Variants in ZBTB7C observed in about 807,000 individuals in gnomAD.
ZBTB7C encodes zinc finger and BTB domain-containing protein 7C.
A neutral mutation model predicts 25.7 loss-of-function variants in ZBTB7C; 8 were observed. The observed-to-expected ratio is 0.31, with a 90% CI of 0.18 to 0.56. ZBTB7C has a LOEUF of 0.56. Among genes scored for constraint, ZBTB7C ranks in the 20% least tolerant of loss-of-function variants. The pLI, the probability that ZBTB7C is intolerant of heterozygous loss-of-function variation, is 0.91. For missense variants in ZBTB7C, 824 were observed against 855.2 expected (o/e 0.96, Z 0.46); for synonymous variants, 394 against 369.0 (o/e 1.07, Z -0.78).
chr18:48,058,660 G>A (rs971634195), intron 3 of ZBTB7C, among the ~76,000 whole-genome samples: 5 of 152,306 alleles, frequency 3.3e-5, no homozygotes, highest in Non-Finnish European at 5.9e-5. Flanking sequence ...TCCTCACCTC[G>A]TGGTATTCAT....
At chr18:48,400,032 T>C (rs537012270) in intron 1 of ZBTB7C, among the ~76,000 whole-genome samples, 160 of 152,324 alleles carry the variant, frequency 1.1e-3, no homozygotes, top group African/African-American at 3.5e-3. Context: ...CAAAGCCATC[T>C]GGGATGACCC....
Position 48,374,434 on chromosome 18 carries a change from G to A in ZBTB7C, c.-304+34792C>T, listed in dbSNP as rs561624087. The A allele has an allele frequency of 5.9e-5, 9 of 152,326 alleles. No individual in the cohort carries two copies. In the East Asian group the frequency reaches 1.5e-3, roughly 26 times the overall value. The allele number at this position is 152,326 out of a possible 1,614,324, so 9.4% of individuals were successfully genotyped here. A position where few individuals can be genotyped will look rare whatever the true frequency, so the allele number is the denominator to read the frequency against. ...GAAAAAGCTCTATTCTGATCTGGCCGGCTGTCTGCCGTAGGCTCTATGCCC... is the reference window on the plus strand; with the variant it reads ...GAAAAAGCTCTATTCTGATCTGGCCAGCTGTCTGCCGTAGGCTCTATGCCC... On this transcript the variant is annotated intron_variant, in intron 1 of 4. Coordinates refer to ENST00000590800, the MANE Select transcript of ZBTB7C (RefSeq NM_001318841.2).
At chr18:48,261,373 C>T (rs1484405034) in intron 2 of ZBTB7C, among the ~76,000 whole-genome samples, 14 of 152,190 alleles carry the variant, frequency 9.2e-5, no homozygotes, top group Non-Finnish European at 1.2e-4. Context: ...GGAGCTCACA[C>T]TGGATCAGCT....
rs2036171183 is a variant in ZBTB7C at position 48,040,364 on chromosome 18, CAAG to C, written c.741_743del (p.Leu248del). On this transcript the variant is annotated inframe_deletion, in exon 4 of 5. Transcript: ENST00000590800. ...GAAAGAAGTCCGGGGCGAATGGAGA[CAAG>C]GAGGGTCTCCTGTCGGGGATGTTGG... 1 of 1,610,796 alleles carries C rather than the reference CAAG, an allele frequency of 6.2e-7. No individual in the cohort carries two copies. Among genetic ancestry groups the C allele is most frequent in the African/African-American group, 1.3e-5 (1 of 74,850 alleles).
intron 4 of ZBTB7C, among the ~76,000 whole-genome samples, chr18:48,034,410 C>CGTGTG (rs2035882341): frequency 6.6e-6 from 1 of 152,092 alleles, no homozygotes; most frequent in Admixed American, 6.6e-5. Context: ...GCTCCTTCCC[C>CGTGTG]GTGTGTGCAT....
chr18:48,323,540 G>A (rs1278441130), intron 2 of ZBTB7C, among the ~76,000 whole-genome samples: 2 of 152,122 alleles, frequency 1.3e-5, no homozygotes, highest in Non-Finnish European at 2.9e-5. Context: ...TAAAGCTGAG[G>A]GTGGGCCTGA....
At chr18:48,358,448 A>G (rs534346358) in intron 1 of ZBTB7C, among the ~76,000 whole-genome samples, 2 of 152,286 alleles carry the variant, frequency 1.3e-5, no homozygotes, top group South Asian at 2.1e-4. Context: ...GCTTTCCACC[A>G]TGATTGGAAG....
chr18:48,372,266 T>A (rs116037235), intron 1 of ZBTB7C, among the ~76,000 whole-genome samples: 284 of 152,274 alleles, frequency 1.9e-3, no homozygotes, highest in African/African-American at 6.7e-3. Flanking sequence ...TATACTCCAC[T>A]GCCACAGGAA....
At chr18:48,037,336 G>A (rs1370161285) in intron 4 of ZBTB7C, among the ~76,000 whole-genome samples, 1 of 152,200 alleles carries the variant, frequency 6.6e-6, no homozygotes, top group African/African-American at 2.4e-5. Flanking sequence ...CTATCATCTG[G>A]CTGGGAGTGG....
chr18:48,258,595 T>C (rs114175490), intron 2 of ZBTB7C, among the ~76,000 whole-genome samples: 4,667 of 152,312 alleles, frequency 0.031, 117 homozygotes, highest in African/African-American at 0.064. Flanking sequence ...TGGAAGATTA[T>C]TGATATGTCA....
At chr18:48,369,151 G>A (rs9989583) in intron 1 of ZBTB7C, among the ~76,000 whole-genome samples, 19,270 of 152,158 alleles carry the variant, frequency 0.13, 1,303 homozygotes, top group Non-Finnish European at 0.14. Flanking sequence ...CAATTACATT[G>A]TAAGTGGGGG....
intron 3 of ZBTB7C, among the ~76,000 whole-genome samples, chr18:48,093,994 G>T (rs4273115): frequency 5.3e-5 from 8 of 152,074 alleles, no homozygotes; most frequent in African/African-American, 1.9e-4. Flanking sequence ...GGGAGGCGGA[G>T]CTTGCAGTGA....
chr18:48,409,936 C>A (rs902382584), upstream of ZBTB7C, among the ~76,000 whole-genome samples: 2 of 152,040 alleles, frequency 1.3e-5, no homozygotes, highest in African/African-American at 4.8e-5. Flanking sequence ...CCAGCGCAGG[C>A]TTGGGACCGC....
intron 1 of ZBTB7C, among the ~76,000 whole-genome samples, chr18:48,369,060 T>G (rs139007163): frequency 1.9e-3 from 284 of 152,340 alleles, no homozygotes; most frequent in Non-Finnish European, 3.2e-3. Context: ...CTTGAGTTTC[T>G]AAATTATATT....
chr18:48,389,461 A>ATTTTTTTT (rs138527928), intron 1 of ZBTB7C, among the ~76,000 whole-genome samples: 1 of 97,658 alleles, frequency 1.0e-5, no homozygotes, highest in Non-Finnish European at 2.0e-5. Flanking sequence ...TGACTCTTGG[A>ATTTTTTTT]TTTTTTTTTT....
chr18:48,357,308 A>G (rs1029228548), intron 1 of ZBTB7C, among the ~76,000 whole-genome samples: 5 of 152,208 alleles, frequency 3.3e-5, no homozygotes, highest in Admixed American at 1.3e-4. Flanking sequence ...GAGGAATGCC[A>G]CAAAGACAAA....
chr18:48,391,553 C>G (rs1222678492), intron 1 of ZBTB7C, among the ~76,000 whole-genome samples: 1 of 152,086 alleles, frequency 6.6e-6, no homozygotes, highest in African/African-American at 2.4e-5. Context: ...CATGACTTAA[C>G]GAATTACCAT....
chr18:48,268,269 A>G (rs1476582522), intron 2 of ZBTB7C, among the ~76,000 whole-genome samples: 1 of 152,204 alleles, frequency 6.6e-6, no homozygotes, highest in African/African-American at 2.4e-5. Context: ...ATAGAAGACT[A>G]TGAAAGAAAA....
intron 3 of ZBTB7C, among the ~76,000 whole-genome samples, chr18:48,177,049 G>A (rs1411132965): frequency 2.6e-5 from 4 of 152,230 alleles, no homozygotes; most frequent in African/African-American, 9.6e-5. Flanking sequence ...AGGGTGTGCT[G>A]GACATCTACG....
Sources: allele counts gnomAD v4.1 joint callset (sites outside exome capture counted in the v4.1 genomes callset), GRCh38; gene constraint gnomAD v4.1.1; transcripts MANE v1.5; gene names NCBI Gene and HGNC (gene_info 2026-07-23, HGNC 2026-07-21).